Variants in ROBO2 observed in about 807,000 individuals in gnomAD.
ROBO2 encodes roundabout guidance receptor 2.
Under a neutral mutation model 160.8 loss-of-function variants are expected in ROBO2, and 53 were observed. The ratio of observed to expected loss-of-function variants is 0.33; its 90% CI spans 0.26 to 0.41. The LOEUF is 0.41. Ranked by LOEUF, ROBO2 falls within the 10% of genes least tolerant of loss-of-function variation. The pLI is 1.00. For synonymous variants in ROBO2, 664 were observed against 611.7 expected (o/e 1.09, Z -1.26); for missense variants, 1,577 against 1,722.4 (o/e 0.92, Z 1.49).
At chr3:77,318,819 T>C (rs1195801361) in intron 2 of ROBO2, among the ~76,000 whole-genome samples, 5 of 152,186 alleles carry the variant, frequency 3.3e-5, no homozygotes, top group Non-Finnish European at 7.3e-5. Flanking sequence ...CATACTATGA[T>C]TGAGAAATTA....
chr3:77,589,681 A>G (rs1322047164), intron 17 of ROBO2, among the ~76,000 whole-genome samples: 1 of 152,068 alleles, frequency 6.6e-6, no homozygotes, highest in Non-Finnish European at 1.5e-5. Context: ...TAGAGAGAGA[A>G]GAGAGAGAGG....
intron 2 of ROBO2, among the ~76,000 whole-genome samples, chr3:77,418,841 A>G (rs949811032): frequency 1.3e-5 from 2 of 152,154 alleles, no homozygotes; most frequent in African/African-American, 4.8e-5. Context: ...AGCCTCGTTG[A>G]AGTTGGCACT....
intron 2 of ROBO2, among the ~76,000 whole-genome samples, chr3:76,569,281 T>C (rs1020010036): frequency 1.3e-5 from 2 of 152,038 alleles, no homozygotes; most frequent in African/African-American, 4.8e-5. Flanking sequence ...ATACTAGATG[T>C]TATAGAACAT....
At chr3:77,602,877 G>A in intron 20 of ROBO2, 1 of 466,022 alleles carries the variant, frequency 2.1e-6, no homozygotes, top group African/African-American at 2.0e-5. Flanking sequence ...TTCTGCATGG[G>A]CTTGTGCTGT....
chr3:76,192,606 C>T (rs953524609), intron 2 of ROBO2, among the ~76,000 whole-genome samples: 6 of 150,432 alleles, frequency 4.0e-5, no homozygotes, highest in South Asian at 2.1e-4. Flanking sequence ...TTATACCCAT[C>T]GTGTCCTCCT....
At chr3:77,331,686 T>TTTAC (rs1317787451) in intron 2 of ROBO2, among the ~76,000 whole-genome samples, 1 of 130,300 alleles carries the variant, frequency 7.7e-6, no homozygotes, top group Non-Finnish European at 1.8e-5. Flanking sequence ...GAAAGGCCTA[T>TTTAC]TTATTTACTT....
intron 2 of ROBO2, among the ~76,000 whole-genome samples, chr3:76,400,346 G>A (rs1463614244): frequency 9.2e-5 from 14 of 151,524 alleles, no homozygotes; most frequent in Non-Finnish European, 3.0e-5. Context: ...TCACATGAAA[G>A]TGACTCACCC....
At chr3:77,194,387 C>T (rs1361172290) in intron 2 of ROBO2, among the ~76,000 whole-genome samples, 3 of 152,162 alleles carry the variant, frequency 2.0e-5, no homozygotes, top group African/African-American at 7.2e-5. Context: ...CCTTTGGCAG[C>T]TCCTTTCTTT....
chr3:76,074,764 G>GT (rs1258621128), intron 2 of ROBO2, among the ~76,000 whole-genome samples: 2 of 152,232 alleles, frequency 1.3e-5, no homozygotes, highest in East Asian at 1.9e-4. Flanking sequence ...ACATATGCTA[G>GT]TTTTTTAATG....
At chr3:76,074,030 T>A (rs1174067097) in intron 2 of ROBO2, among the ~76,000 whole-genome samples, 1 of 152,196 alleles carries the variant, frequency 6.6e-6, no homozygotes, top group Admixed American at 6.5e-5. Context: ...TGTGTGGAAA[T>A]GTGAAGCTGA....
intron 2 of ROBO2, among the ~76,000 whole-genome samples, chr3:76,267,204 C>T (rs937957430): frequency 6.6e-6 from 1 of 152,152 alleles, no homozygotes; most frequent in Non-Finnish European, 1.5e-5. Flanking sequence ...ATTAGTCAAA[C>T]CATCTCTTTG....
rs146687746 is a variant in ROBO2 at position 76,485,821 on chromosome 3, G to A, written c.109+548219G>A. 1.8e-3 allele frequency among the ~76,000 whole-genome samples: 276 copies of A among 152,254 alleles called. 1 individual carries two copies. Among genetic ancestry groups the A allele is most frequent in the African/African-American group, 6.3e-3 (262 of 41,556 alleles). ...CCCTCTGTAAATTAAGACTATAGTC[G>A]TGGATCTTAAAATAACAACAATTTG... On this transcript the variant is annotated intron_variant, in intron 2 of 26. Coordinates refer to the ROBO2 transcript ENST00000487694.
At chr3:76,064,261 G>A (rs1011018070) in intron 2 of ROBO2, among the ~76,000 whole-genome samples, 3 of 152,124 alleles carry the variant, frequency 2.0e-5, no homozygotes, top group Non-Finnish European at 4.4e-5. Flanking sequence ...TAATTTTGTT[G>A]TAATCTGTTA....
intron 1 of ROBO2, among the ~76,000 whole-genome samples, chr3:75,936,582 C>G (rs1947789825): frequency 2.0e-5 from 3 of 152,026 alleles, no homozygotes; most frequent in East Asian, 3.9e-4. Flanking sequence ...ATAGTTTTAA[C>G]TATTGTACAT....
chr3:76,813,610 C>A (rs537159565), intron 2 of ROBO2, among the ~76,000 whole-genome samples: 1 of 152,088 alleles, frequency 6.6e-6, no homozygotes, highest in African/African-American at 2.4e-5. Context: ...TTGTGATAAG[C>A]AAAAACATGT....
intron 2 of ROBO2, among the ~76,000 whole-genome samples, chr3:76,885,779 G>A (rs2073817078): frequency 6.6e-6 from 1 of 152,082 alleles, no homozygotes; most frequent in South Asian, 2.1e-4. Context: ...TCCAGATCTG[G>A]CAAGTACTGA....
intron 2 of ROBO2, among the ~76,000 whole-genome samples, chr3:77,294,057 GT>G (rs1560462202): frequency 7.1e-6 from 1 of 140,950 alleles, no homozygotes; most frequent in Non-Finnish European, 1.5e-5. Context: ...TAAATGGGAA[GT>G]TGAGGCTAGA....
At chr3:77,540,517 A>G (rs1182696876) in intron 6 of ROBO2, among the ~76,000 whole-genome samples, 3 of 151,742 alleles carry the variant, frequency 2.0e-5, no homozygotes, top group African/African-American at 7.3e-5. Context: ...AAGCTGAACA[A>G]TGTGAACACA....
At chr3:76,670,246 C>T (rs187167506) in intron 2 of ROBO2, among the ~76,000 whole-genome samples, 2 of 150,346 alleles carry the variant, frequency 1.3e-5, no homozygotes, top group East Asian at 1.9e-4. Context: ...TGTATTTTAG[C>T]TTTTATACAT....
Sources: gnomAD v4.1 joint callset for allele counts (sites outside exome capture counted in the v4.1 genomes callset) on GRCh38, gnomAD v4.1.1 for gene constraint, MANE v1.5 for transcripts, NCBI Gene and HGNC (gene_info 2026-07-23, HGNC 2026-07-21) for gene names.